DMD: variants seen among roughly 807,000 people sequenced by gnomAD.
The protein encoded by DMD is dystrophin, also known as mutant dystrophin.
Under a neutral mutation model 330.1 loss-of-function variants are expected in DMD, and 63 were observed. The ratio of observed to expected loss-of-function variants is 0.19; its 90% CI spans 0.16 to 0.24. The LOEUF is 0.24. Ranked by LOEUF, DMD falls within the 10% of genes least tolerant of loss-of-function variation. The probability of loss-of-function intolerance (pLI) is 1.00; values close to 1 mark genes in which losing one functional copy is unlikely to be tolerated. For synonymous variants in DMD, 1,223 were observed against 959.8 expected, an observed-to-expected ratio of 1.27 and a Z score of -5.07; for missense variants, 3,344 against 2,684.1, an observed-to-expected ratio of 1.25 and a Z score of -5.43.
chrX:31,148,726 T>C (rs1217169615), intron 74 of DMD, among the ~76,000 whole-genome samples: 1 of 112,171 alleles, frequency 8.9e-6, no homozygotes, highest in Non-Finnish European at 1.9e-5. Context: ...TACTTGGTGT[T>C]ATCAGACATT....
intron 60 of DMD, among the ~76,000 whole-genome samples, chrX:31,369,331 G>A (rs1188074833): frequency 8.9e-6 from 1 of 111,953 alleles, no homozygotes; most frequent in African/African-American, 3.2e-5. Flanking sequence ...TTGTGGAAAA[G>A]GGATTCGGAA....
chrX:31,773,724 C>CTTTTTTTTTTTTTTTTTTTTTTTTT (rs762551529), intron 51 of DMD, among the ~76,000 whole-genome samples: 21 of 53,527 alleles, frequency 3.9e-4, no homozygotes, highest in African/African-American at 6.9e-4. Context: ...AAGGTTTCTG[C>CTTTTTTTTTTTTTTTTTTTTTTTTT]TTTTTTTTTT....
At chrX:32,545,838 G>A (rs182173435) in intron 16 of DMD, among the ~76,000 whole-genome samples, 1 of 110,417 alleles carries the variant, frequency 9.1e-6, no homozygotes, top group Non-Finnish European at 1.9e-5. Context: ...GGTAATGAAC[G>A]ACTCTTTAAT....
At chrX:33,296,158 T>C in intron 1 of DMD, among the ~76,000 whole-genome samples, 1 of 111,407 alleles carries the variant, frequency 9.0e-6, no homozygotes, top group Non-Finnish European at 1.9e-5. Flanking sequence ...TATTGGCTTT[T>C]CTCCTAGTAA....
intron 1 of DMD, among the ~76,000 whole-genome samples, chrX:33,197,685 A>G (rs1366101589): frequency 8.9e-6 from 1 of 112,100 alleles, no homozygotes; most frequent in Admixed American, 9.5e-5. Context: ...ACAAGAAATA[A>G]CACAGTATTT....
chrX:31,836,570 A>G (rs1464860151), intron 49 of DMD, 148 bp downstream of exon 49: 8 of 514,898 alleles, frequency 1.6e-5, no homozygotes, highest in Non-Finnish European at 1.4e-5. Context: ...TCAAAAAGAC[A>G]GCTTTGCCTC....
chrX:32,136,735 C>G (rs1055910012), intron 44 of DMD, among the ~76,000 whole-genome samples: 1 of 111,614 alleles, frequency 9.0e-6, no homozygotes, highest in African/African-American at 3.3e-5. Context: ...AAATTCTAAT[C>G]CACCGATGGA....
At chrX:32,360,663 C>T (rs780850883) in intron 37 of DMD, among the ~76,000 whole-genome samples, 4 of 108,492 alleles carry the variant, frequency 3.7e-5, no homozygotes, top group South Asian at 4.1e-4. Flanking sequence ...GGCGCCCGCC[C>T]GTAATCCCAG....
rs371527104 is a variant in DMD at position 32,409,893 on chromosome X, G to T, written c.4233+1859C>A. The stretch of plus-strand genomic sequence containing the variant: ...CCTATCATGCATTTTACTAAACCCT[G>T]CCGTGGTAGACACACTAAATACCCT... On this transcript the variant is annotated intron_variant, in intron 30 of 78. Coordinates refer to ENST00000357033, the MANE Select transcript of DMD (RefSeq NM_004006.3). Among the ~76,000 whole-genome samples, 10 of 111,276 alleles carry T rather than the reference G, an allele frequency of 9.0e-5. No homozygotes were observed. The South Asian group carries it at 3.8e-3, about 42-fold the overall frequency.
chrX:32,390,977 T>C (rs2097997903), intron 30 of DMD, among the ~76,000 whole-genome samples: 1 of 112,299 alleles, frequency 8.9e-6, no homozygotes, highest in African/African-American at 3.2e-5. Flanking sequence ...GAATTTTAGA[T>C]AACTATAAAA....
intron 17 of DMD, among the ~76,000 whole-genome samples, chrX:32,520,198 T>G (rs1484644810): frequency 8.9e-6 from 1 of 111,871 alleles, no homozygotes; most frequent in Non-Finnish European, 1.9e-5. Flanking sequence ...CAAGTTTGAC[T>G]ATCAGGTTCC....
At chrX:33,038,819 C>G (rs1024220116) in intron 1 of DMD, among the ~76,000 whole-genome samples, 3 of 110,191 alleles carry the variant, frequency 2.7e-5, no homozygotes, top group Non-Finnish European at 5.7e-5. Flanking sequence ...ATGGCGAAAC[C>G]CCGTCTCTAC....
chrX:33,100,979 GAAGAGA>G (rs1357551811), intron 1 of DMD, among the ~76,000 whole-genome samples: 1 of 111,706 alleles, frequency 9.0e-6, no homozygotes, highest in Non-Finnish European at 1.9e-5. Flanking sequence ...GAAGCTGCTG[GAAGAGA>G]AAGAGAGATA....
chrX:32,701,212 C>A (rs932307986), intron 7 of DMD, among the ~76,000 whole-genome samples: 3 of 111,804 alleles, frequency 2.7e-5, no homozygotes, highest in African/African-American at 9.7e-5. Flanking sequence ...GGGCCAAAAA[C>A]ATTACTTATA....
intron 2 of DMD, among the ~76,000 whole-genome samples, chrX:33,013,312 G>A (rs979683820): frequency 9.0e-6 from 1 of 110,969 alleles, no homozygotes; most frequent in Non-Finnish European, 1.9e-5. Context: ...TAACATCATG[G>A]TATACATAAA....
chrX:32,784,028 G>T (rs60717971), intron 7 of DMD, among the ~76,000 whole-genome samples: 5,109 of 109,104 alleles, frequency 0.047, 267 homozygotes, highest in African/African-American at 0.13. Flanking sequence ...ATACACACCT[G>T]GAACTCATCT....
At position 32,728,290 on chromosome X, in the gene DMD, C is replaced by T. The variant is rs147621211; in HGVS notation, c.650-28997G>A. The stretch of plus-strand genomic sequence containing the variant: ...TTTTGTGAAGCAAGTCAGTATTACA[C>T]GCATAAGTAAATGAAGTAGAGATTT... On this transcript the variant is annotated intron_variant, in intron 7 of 78. Coordinates refer to ENST00000357033, the MANE Select transcript of DMD (RefSeq NM_004006.3). 4.2e-3 allele frequency among the ~76,000 whole-genome samples: 466 copies of T among 111,793 alleles called. 3 individuals carry two copies. Among genetic ancestry groups the T allele is most frequent in the Non-Finnish European group, 5.6e-3 (299 of 53,080 alleles).
At chrX:33,282,821 G>T (rs1486539746) in intron 1 of DMD, among the ~76,000 whole-genome samples, 1 of 112,135 alleles carries the variant, frequency 8.9e-6, no homozygotes, top group Non-Finnish European at 1.9e-5. Context: ...TACTAGGCTT[G>T]AAAGTTGGAA....
At chrX:32,397,711 G>A (rs1018989402) in intron 30 of DMD, among the ~76,000 whole-genome samples, 1 of 111,011 alleles carries the variant, frequency 9.0e-6, no homozygotes, top group Non-Finnish European at 1.9e-5. Flanking sequence ...TTAAATATAG[G>A]ACTTTACAGT....
Sources: gnomAD v4.1 joint callset for allele counts (sites outside exome capture counted in the v4.1 genomes callset) on GRCh38, gnomAD v4.1.1 for gene constraint, MANE v1.5 for transcripts, NCBI Gene and HGNC (gene_info 2026-07-23, HGNC 2026-07-21) for gene names.